Variants in SLC49A4 observed in about 807,000 individuals in gnomAD.
The protein encoded by SLC49A4 is disrupted in renal cancer protein 2.
In SLC49A4, 36 loss-of-function variants were observed where a neutral mutation model predicts 50.6. The observed-to-expected ratio is 0.71, with a 90% confidence interval of 0.55 to 0.94. SLC49A4 has a LOEUF of 0.94. Ranked by LOEUF, SLC49A4 falls within the 40% of genes least tolerant of loss-of-function variation. The pLI is 0.00. For missense variants in SLC49A4, 503 were observed against 605.7 expected, an observed-to-expected ratio of 0.83 and a Z score of 1.78; for synonymous variants, 248 against 241.2, an observed-to-expected ratio of 1.03 and a Z score of -0.26.
intron 3 of SLC49A4, among the ~76,000 whole-genome samples, chr3:122,827,628 A>C (rs375019196): frequency 6.6e-6 from 1 of 152,216 alleles, no homozygotes; most frequent in Non-Finnish European, 1.5e-5. Context: ...CCACTCTTAT[A>C]GTATAGTCTC....
intron 2 of SLC49A4, among the ~76,000 whole-genome samples, chr3:122,815,316 T>C (rs1020122947): frequency 6.6e-6 from 1 of 152,194 alleles, no homozygotes; most frequent in Non-Finnish European, 1.5e-5. Context: ...CTTGAACTCC[T>C]GGCCTCAAGT....
rs981099290 is a variant in SLC49A4, at chr3:122,798,512, C to T, written c.343+2977C>T. On this transcript the variant is annotated intron_variant, in intron 1 of 8. Coordinates refer to ENST00000261038, the MANE Select transcript of SLC49A4 (RefSeq NM_032839.3). ...ATTCTCTTTATTAGGAAGTAGTTTT[C>T]ATTTTTAGTAGAAGAAAGCAAATAC... Among the ~76,000 whole-genome samples, 7 of 151,626 alleles carry T rather than the reference C, an allele frequency of 4.6e-5. No individual in the cohort carries two copies. The East Asian group carries it at 1.2e-3, about 25-fold the overall frequency.
chr3:122,841,248 CA>C (rs1936765385), intron 4 of SLC49A4, among the ~76,000 whole-genome samples: 2 of 152,264 alleles, frequency 1.3e-5, no homozygotes, highest in South Asian at 4.1e-4. Context: ...TTTTCCACAG[CA>C]GACATTTTAT....
At chr3:122,801,159 T>A (rs1042450403) in intron 1 of SLC49A4, among the ~76,000 whole-genome samples, 1 of 152,128 alleles carries the variant, frequency 6.6e-6, no homozygotes, top group Non-Finnish European at 1.5e-5. Context: ...GACCATGGAA[T>A]CTAAGGAGGA....
chr3:122,879,389 T>G lies in SLC49A4; in HGVS notation c.*11T>G, dbSNP rs748827762. 30 of 1,597,772 alleles carry G rather than the reference T, an allele frequency of 1.9e-5. No individual in the cohort carries two copies. Among genetic ancestry groups the G allele is most frequent in the Admixed American group, 5.0e-5 (3 of 59,686 alleles). On this transcript the variant is annotated 3_prime_UTR_variant, in exon 9 of 9. Coordinates refer to ENST00000261038, the MANE Select transcript of SLC49A4 (RefSeq NM_032839.3). ...GTTGTCTCCGTTTAATAGCACAGAC[T>G]TGAAGGAGTTTAAAAGGAGGCTGGA...
At chr3:122,862,531 A>T (rs113360762) in intron 7 of SLC49A4, among the ~76,000 whole-genome samples, 2 of 152,222 alleles carry the variant, frequency 1.3e-5, no homozygotes, top group Non-Finnish European at 2.9e-5. Context: ...GAATTTTTTT[A>T]AAATTTTATT....
At chr3:122,840,879 T>C (rs531701687) in intron 4 of SLC49A4, among the ~76,000 whole-genome samples, 1 of 152,334 alleles carries the variant, frequency 6.6e-6, no homozygotes, top group African/African-American at 2.4e-5. Flanking sequence ...GAAAGGATCT[T>C]ACATTCTATA....
intron 6 of SLC49A4, 45 bp from the exon 7 acceptor site, chr3:122,860,030 T>C (rs755812172): frequency 6.6e-7 from 1 of 1,509,410 alleles, no homozygotes; most frequent in Middle Eastern, 1.7e-4. Flanking sequence ...GCTTAAATAG[T>C]ATTTTTAAAT....
intron 5 of SLC49A4, among the ~76,000 whole-genome samples, chr3:122,848,730 T>C (rs1274056388): frequency 6.6e-6 from 1 of 152,158 alleles, no homozygotes; most frequent in Non-Finnish European, 1.5e-5. Flanking sequence ...GGATATATAA[T>C]ATTTTGATAC....
chr3:122,821,743 T>A (rs1216916271), intron 2 of SLC49A4, among the ~76,000 whole-genome samples: 1 of 152,224 alleles, frequency 6.6e-6, no homozygotes, highest in Non-Finnish European at 1.5e-5. Context: ...GAGACAGTTA[T>A]GTCACATTGG....
chr3:122,879,169 C>A, intron 8 of SLC49A4, 94 bp from the exon 9 acceptor site: 1 of 880,448 alleles, frequency 1.1e-6, no homozygotes, highest in Non-Finnish European at 1.8e-6. Context: ...ATTATAAGTA[C>A]TTTTTAATGC....
intron 2 of SLC49A4, among the ~76,000 whole-genome samples, chr3:122,822,480 G>A (rs955002785): frequency 1.3e-5 from 2 of 151,990 alleles, no homozygotes; most frequent in African/African-American, 2.4e-5. Context: ...TCTAGATTTC[G>A]ATTTCCTCAT....
In SLC49A4 at chr3:122,874,809, G is replaced by C. The variant is rs531924749; in HGVS notation, c.1321+2212G>C. 2.6e-5 allele frequency among the ~76,000 whole-genome samples: 4 copies of C among 152,318 alleles called. No individual in the cohort carries two copies. The South Asian group carries it at 8.3e-4, about 32-fold the overall frequency. On this transcript the variant is annotated intron_variant, in intron 8 of 8. Transcript: ENST00000261038. ...TCATTAAATTTTGGCATTTTAGGCAGTTAATGAGAAGATACCTGTAAAAGA... is the reference window on the plus strand; with the variant it reads ...TCATTAAATTTTGGCATTTTAGGCACTTAATGAGAAGATACCTGTAAAAGA...
chr3:122,807,344 T>C (rs1401184547), intron 2 of SLC49A4, among the ~76,000 whole-genome samples: 1 of 152,120 alleles, frequency 6.6e-6, no homozygotes, highest in Non-Finnish European at 1.5e-5. Flanking sequence ...GTAATTAAAC[T>C]AGGCATTGAA....
intron 2 of SLC49A4, among the ~76,000 whole-genome samples, chr3:122,809,965 T>C (rs1254616639): frequency 6.6e-6 from 1 of 152,208 alleles, no homozygotes; most frequent in African/African-American, 2.4e-5. Flanking sequence ...AATGCTACAA[T>C]TGGAACATGT....
chr3:122,881,053 C>T lies in SLC49A4; in HGVS notation c.*1675C>T, dbSNP rs1937333275. On this transcript the variant is annotated 3_prime_UTR_variant, in exon 9 of 9. Transcript: ENST00000261038. The stretch of plus-strand genomic sequence containing the variant: ...CAGAAGGACTGAAGGAACTAAGGAA[C>T]TTGCTAAAGAGAAGAAGAAAACAAA... 1 of 152,042 alleles carries T rather than the reference C, an allele frequency of 6.6e-6. No homozygotes were observed. Among genetic ancestry groups the T allele is most frequent in the East Asian group, 1.9e-4 (1 of 5,198 alleles). 9.4% of individuals were successfully genotyped at this position (152,042 alleles called of 1,614,324 possible).
chr3:122,826,749 A>G (rs1468383009), intron 2 of SLC49A4, 51 bp from the exon 3 acceptor site: 1 of 1,583,836 alleles, frequency 6.3e-7, no homozygotes, highest in African/African-American at 1.4e-5. Flanking sequence ...TTTTTGTCTT[A>G]GAAAATGCCT....
chr3:122,855,660 A>G (rs1418901978), intron 5 of SLC49A4, among the ~76,000 whole-genome samples: 1 of 152,232 alleles, frequency 6.6e-6, no homozygotes, highest in Non-Finnish European at 1.5e-5. Context: ...ACGCCTCATC[A>G]GTTAGTAATA....
At chr3:122,845,898 G>A (rs1936842142) in intron 5 of SLC49A4, 27 bp downstream of exon 5, 1 of 1,517,994 alleles carries the variant, frequency 6.6e-7, no homozygotes. Context: ...TTTATATGTT[G>A]TAGGTATTTT....
Sources: gnomAD v4.1 joint callset for allele counts (sites outside exome capture counted in the v4.1 genomes callset) on GRCh38, gnomAD v4.1.1 for gene constraint, MANE v1.5 for transcripts, NCBI Gene and HGNC (gene_info 2026-07-23, HGNC 2026-07-21) for gene names.